Variants in ABTB3 observed in about 807,000 individuals in gnomAD.
ABTB3 encodes the protein ankyrin repeat- and BTB/POZ domain-containing protein 3.
At chr12:107,392,028 C>T in the ABTB3 span, among the ~76,000 whole-genome samples, 3 of 152,200 alleles carry the variant, frequency 2.0e-5, no homozygotes, top group Non-Finnish European at 4.4e-5. Flanking sequence ...TACTTACTGT[C>T]TCTGAGCACC....
the ABTB3 span, among the ~76,000 whole-genome samples, chr12:107,451,748 C>G: frequency 4.6e-5 from 7 of 152,142 alleles, no homozygotes; most frequent in African/African-American, 1.7e-4. Context: ...TACATAGTCT[C>G]TCTGCTAGGA....
At chr12:107,463,297 G>A in the ABTB3 span, among the ~76,000 whole-genome samples, 1 of 151,898 alleles carries the variant, frequency 6.6e-6, no homozygotes, top group Non-Finnish European at 1.5e-5. Flanking sequence ...GATGATGGTG[G>A]TGGTGGTGAT....
chr12:107,447,104 A>C, the ABTB3 span, among the ~76,000 whole-genome samples: 1 of 152,192 alleles, frequency 6.6e-6, no homozygotes, highest in African/African-American at 2.4e-5. Context: ...GCATCTGCTC[A>C]CTGACAAAAT....
chr12:107,472,325 C>T, the ABTB3 span, among the ~76,000 whole-genome samples: 12 of 152,160 alleles, frequency 7.9e-5, no homozygotes, highest in African/African-American at 1.2e-4. Flanking sequence ...GCTTATAAAT[C>T]GGCAAACGGA....
At chr12:107,376,177 C>T in the ABTB3 span, among the ~76,000 whole-genome samples, 2 of 152,160 alleles carry the variant, frequency 1.3e-5, no homozygotes, top group Admixed American at 1.3e-4. Flanking sequence ...CCCTGCGCTC[C>T]AGCCATCCCC....
chr12:107,421,615 T>C, the ABTB3 span, among the ~76,000 whole-genome samples: 1 of 152,226 alleles, frequency 6.6e-6, no homozygotes, highest in Admixed American at 6.5e-5. Context: ...CGGTAAACGA[T>C]ATAAGCCACC....
chr12:107,372,579 C>T, the ABTB3 span, among the ~76,000 whole-genome samples: 1 of 152,214 alleles, frequency 6.6e-6, no homozygotes, highest in South Asian at 2.1e-4. Context: ...AAACCCCTGA[C>T]CTCCTCTACA....
the ABTB3 span, among the ~76,000 whole-genome samples, chr12:107,558,381 C>T: frequency 1.3e-5 from 2 of 152,192 alleles, no homozygotes; most frequent in African/African-American, 4.8e-5. Flanking sequence ...TGCAGGTGCT[C>T]CAGGATGCCC....
chr12:107,327,032 A>C, the ABTB3 span, among the ~76,000 whole-genome samples: 1 of 152,196 alleles, frequency 6.6e-6, no homozygotes, highest in African/African-American at 2.4e-5. Flanking sequence ...GGTCGTGGGC[A>C]GTATGGCCTT....
the ABTB3 span, among the ~76,000 whole-genome samples, chr12:107,495,382 T>C: frequency 3.9e-5 from 6 of 152,048 alleles, no homozygotes; most frequent in South Asian, 1.2e-3. Context: ...GGCCAGATTG[T>C]CCCCCAAGCC....
At chr12:107,522,868 G>C in the ABTB3 span, among the ~76,000 whole-genome samples, 2 of 151,710 alleles carry the variant, frequency 1.3e-5, no homozygotes, top group Non-Finnish European at 2.9e-5. Context: ...AAGAAGGAAG[G>C]GATAATCAAG....
the ABTB3 span, among the ~76,000 whole-genome samples, chr12:107,483,867 GT>G: frequency 1.6e-3 from 243 of 152,134 alleles, 3 homozygotes; most frequent in African/African-American, 5.5e-3. Flanking sequence ...TTTTAAAAAA[GT>G]TTTTGTAGAG....
chr12:107,590,073 T>C, the ABTB3 span, among the ~76,000 whole-genome samples: 15 of 152,098 alleles, frequency 9.9e-5, no homozygotes, highest in East Asian at 1.2e-3. Context: ...CCATGCCTGG[T>C]TAATTCTTGT....
chr12:107,433,136 A>C, the ABTB3 span, among the ~76,000 whole-genome samples: 1 of 150,900 alleles, frequency 6.6e-6, no homozygotes, highest in Admixed American at 6.6e-5. Context: ...ATACAAAAAA[A>C]AAAATTAGCC....
the ABTB3 span, among the ~76,000 whole-genome samples, chr12:107,506,068 G>T: frequency 6.6e-6 from 1 of 152,062 alleles, no homozygotes; most frequent in African/African-American, 2.4e-5. Context: ...TTGCTGAGTT[G>T]AATGGTATTT....
the ABTB3 span, among the ~76,000 whole-genome samples, chr12:107,561,346 C>T: frequency 6.6e-6 from 1 of 152,154 alleles, no homozygotes; most frequent in East Asian, 1.9e-4. Flanking sequence ...AAGTACTGTC[C>T]CTCTTCAGAC....
chr12:107,525,901 C>G, the ABTB3 span, among the ~76,000 whole-genome samples: 1 of 152,186 alleles, frequency 6.6e-6, no homozygotes, highest in South Asian at 2.1e-4. Context: ...CACAGATAAG[C>G]AAACTGAGAC....
At chr12:107,463,677 G>A in the ABTB3 span, among the ~76,000 whole-genome samples, 1 of 152,182 alleles carries the variant, frequency 6.6e-6, no homozygotes, top group Non-Finnish European at 1.5e-5. Flanking sequence ...GATAACATCA[G>A]CAATAGCAAA....
chr12:107,530,125 C>T, the ABTB3 span, among the ~76,000 whole-genome samples: 9 of 151,984 alleles, frequency 5.9e-5, no homozygotes, highest in Non-Finnish European at 1.2e-4. Flanking sequence ...AGAAGGGAAC[C>T]GGGAAATGCA....
Sources: allele counts gnomAD v4.1 joint callset (sites outside exome capture counted in the v4.1 genomes callset), GRCh38; gene constraint gnomAD v4.1.1; transcripts MANE v1.5; gene names NCBI Gene and HGNC (gene_info 2026-07-23, HGNC 2026-07-21).